The following RBPJ variants were observed in gnomAD, a reference collection of about 807,000 sequenced individuals.
The protein encoded by RBPJ is recombining binding protein suppressor of hairless.
RBPJ carries 9 observed loss-of-function variants against 67.8 expected under a neutral mutation model. The ratio of observed to expected loss-of-function variants is 0.13; its 90% CI spans 0.08 to 0.23. The LOEUF (loss-of-function observed/expected upper bound fraction) is 0.23. Ranked by LOEUF, RBPJ falls within the 10% of genes least tolerant of loss-of-function variation. The pLI is 1.00. For missense variants in RBPJ, 305 were observed against 595.6 expected (o/e 0.51, Z 5.08); for synonymous variants, 198 against 203.3 (o/e 0.97, Z 0.22).
chr4:26,338,104 T>C (rs1473123529), intron 1 of RBPJ, among the ~76,000 whole-genome samples: 2 of 150,958 alleles, frequency 1.3e-5, no homozygotes, highest in Non-Finnish European at 3.0e-5. Flanking sequence ...TGTTTTTTTT[T>C]CATCTTCCTC....
chr4:26,228,982 A>G (rs1455872894), intron 1 of RBPJ, among the ~76,000 whole-genome samples: 1 of 152,166 alleles, frequency 6.6e-6, no homozygotes, highest in Non-Finnish European at 1.5e-5. Flanking sequence ...TAAAACAACT[A>G]TTGGCTGATG....
chr4:26,419,179 A>G lies in RBPJ; in HGVS notation c.322-1372A>G, dbSNP rs138710048. ...TTTTTCGTAGAGATGGGGTTTCACC[A>G]TGTTGCTCAGGCTGGTCTCAAACTT... On this transcript the variant is annotated intron_variant, in intron 4 of 10. Transcript: ENST00000355476. Among the ~76,000 whole-genome samples the G allele has an allele frequency of 3.1e-3, 476 of 152,202 alleles. 3 individuals carry two copies. The highest frequency in any genetic ancestry group is 0.01 in the African/African-American group (435 of 41,524).
the RBPJ span, among the ~76,000 whole-genome samples, chr4:26,116,659 G>C: frequency 6.6e-6 from 1 of 152,190 alleles, no homozygotes; most frequent in Non-Finnish European, 1.5e-5. Context: ...GCACCAAACA[G>C]ATTGCAAAGG....
intron 1 of RBPJ, among the ~76,000 whole-genome samples, chr4:26,335,915 G>A (rs974279073): frequency 1.3e-5 from 2 of 152,084 alleles, no homozygotes; most frequent in East Asian, 3.8e-4. Flanking sequence ...GAGCCACCAC[G>A]CCCGGCAATG....
In RBPJ at chr4:26,303,278, AAT is replaced by A. The variant is rs766094629; in HGVS notation, c.-166-59152_-166-59151del. Among the ~76,000 whole-genome samples the A allele has an allele frequency of 8.9e-3, 1,288 of 145,132 alleles. 19 individuals carry two copies. The highest frequency in any genetic ancestry group is 0.029 in the African/African-American group (1,156 of 39,990). On this transcript the variant is annotated intron_variant, in intron 1 of 4. Transcript: ENST00000512351. ...TGAAATATATATGTAATCCATATGAAATATATATATATATATAATCTTTATGA... is the reference window on the plus strand; with the variant it reads ...TGAAATATATATGTAATCCATATGAAATATATATATATATAATCTTTATGA...
intron 1 of RBPJ, among the ~76,000 whole-genome samples, chr4:26,299,919 A>T (rs1722021515): frequency 6.6e-6 from 1 of 151,960 alleles, no homozygotes; most frequent in Non-Finnish European, 1.5e-5. Flanking sequence ...TCCTCACCTC[A>T]GGTGATCCAC....
At chr4:26,211,696 G>A (rs536609856) in intron 1 of RBPJ, among the ~76,000 whole-genome samples, 2 of 152,132 alleles carry the variant, frequency 1.3e-5, no homozygotes, top group African/African-American at 2.4e-5. Flanking sequence ...CATTCGGGTA[G>A]ACAGCAAACA....
At chr4:26,277,684 A>G (rs1191919136) in intron 1 of RBPJ, among the ~76,000 whole-genome samples, 1 of 152,254 alleles carries the variant, frequency 6.6e-6, no homozygotes. Flanking sequence ...GATGGCAGTG[A>G]TGGAGGAACA....
At chr4:26,157,095 A>AAC in the RBPJ span, among the ~76,000 whole-genome samples, 113 of 23,510 alleles carry the variant, frequency 4.8e-3, 2 homozygotes, top group African/African-American at 0.012. Context: ...ACAAACAAAC[A>AAC]AACAAAAACA....
At chr4:26,377,298 C>G (rs1729850780) in intron 1 of RBPJ, among the ~76,000 whole-genome samples, 1 of 152,204 alleles carries the variant, frequency 6.6e-6, no homozygotes, top group African/African-American at 2.4e-5. Context: ...CGCTAGCTTG[C>G]AATAAAGCCA....
At chr4:26,243,922 C>A (rs1016071107) in intron 1 of RBPJ, among the ~76,000 whole-genome samples, 3 of 151,652 alleles carry the variant, frequency 2.0e-5, no homozygotes, top group African/African-American at 7.3e-5. Context: ...TGGTGAAATT[C>A]GTCTCTACAA....
chr4:26,309,483 C>G (rs1040964901), intron 1 of RBPJ, among the ~76,000 whole-genome samples: 14 of 152,152 alleles, frequency 9.2e-5, no homozygotes, highest in African/African-American at 2.4e-4. Context: ...TGTAATACCT[C>G]AATTAATTAT....
chr4:26,384,243 T>A (rs537964912), intron 1 of RBPJ, among the ~76,000 whole-genome samples: 2 of 152,344 alleles, frequency 1.3e-5, no homozygotes, highest in South Asian at 4.1e-4. Flanking sequence ...ATTTGCCCAT[T>A]TTTTGTGCTA....
intron 1 of RBPJ, among the ~76,000 whole-genome samples, chr4:26,236,447 A>G (rs901694450): frequency 6.6e-6 from 1 of 152,190 alleles, no homozygotes; most frequent in African/African-American, 2.4e-5. Context: ...AGTTGCAGTC[A>G]GATGTTAGCT....
At chr4:26,391,023 C>T (rs1383448548) in intron 2 of RBPJ, among the ~76,000 whole-genome samples, 1 of 152,200 alleles carries the variant, frequency 6.6e-6, no homozygotes, top group Non-Finnish European at 1.5e-5. Context: ...TGCCTCTGCA[C>T]TCCAGCCTAG....
chr4:26,412,685 G>A (rs1004342478), intron 3 of RBPJ, among the ~76,000 whole-genome samples: 3 of 152,126 alleles, frequency 2.0e-5, no homozygotes, highest in African/African-American at 7.2e-5. Context: ...GAGTTTTATA[G>A]CTGATACACC....
At chr4:26,342,932 C>A (rs1725696886) in intron 1 of RBPJ, among the ~76,000 whole-genome samples, 1 of 151,968 alleles carries the variant, frequency 6.6e-6, no homozygotes, top group African/African-American at 2.4e-5. Flanking sequence ...ACATGTCATC[C>A]ATTCTTTCTA....
At chr4:26,156,344 T>C in the RBPJ span, among the ~76,000 whole-genome samples, 2 of 152,118 alleles carry the variant, frequency 1.3e-5, no homozygotes, top group Non-Finnish European at 2.9e-5. Context: ...GTTTGTTTGT[T>C]TGTTTTTACT....
intron 1 of RBPJ, among the ~76,000 whole-genome samples, chr4:26,268,415 G>A (rs1720776568): frequency 6.6e-6 from 1 of 152,094 alleles, no homozygotes; most frequent in South Asian, 2.1e-4. Context: ...AAGATACAGG[G>A]GAAATGATGT....
Sources: allele counts gnomAD v4.1 joint callset (sites outside exome capture counted in the v4.1 genomes callset), GRCh38; gene constraint gnomAD v4.1.1; transcripts MANE v1.5; gene names NCBI Gene and HGNC (gene_info 2026-07-23, HGNC 2026-07-21).